Variants in BRD10 observed in about 807,000 individuals in gnomAD.
BRD10 encodes the protein bromodomain containing 10.
the BRD10 span, among the ~76,000 whole-genome samples, chr9:5,905,991 C>T: frequency 6.6e-6 from 1 of 151,856 alleles, no homozygotes; most frequent in Non-Finnish European, 1.5e-5. Context: ...TATAAGCATA[C>T]CTAATTAAAT....
the BRD10 span, among the ~76,000 whole-genome samples, chr9:5,964,390 C>T: frequency 6.6e-6 from 1 of 151,950 alleles, no homozygotes; most frequent in African/African-American, 2.4e-5. Flanking sequence ...GGCAATCATT[C>T]AAAAGTCAGG....
At chr9:5,922,948 A>T in the BRD10 span, 1 of 1,614,010 alleles carries the variant, frequency 6.2e-7, no homozygotes, top group Non-Finnish European at 8.5e-7. Context: ...AGGTCACTTT[A>T]TTCCCAATAT....
chr9:5,928,046 T>C, the BRD10 span, among the ~76,000 whole-genome samples: 4 of 152,280 alleles, frequency 2.6e-5, no homozygotes, highest in East Asian at 7.7e-4. Flanking sequence ...CAATCCCCTC[T>C]ACCTCTCAAA....
chr9:5,971,556 T>C, the BRD10 span, among the ~76,000 whole-genome samples: 4 of 152,218 alleles, frequency 2.6e-5, no homozygotes, highest in African/African-American at 9.6e-5. Context: ...TTGGCAAATA[T>C]CACAACTTGC....
At chr9:5,937,200 G>A in the BRD10 span, among the ~76,000 whole-genome samples, 2 of 148,764 alleles carry the variant, frequency 1.3e-5, no homozygotes, top group East Asian at 4.0e-4. Flanking sequence ...CTACACTCTA[G>A]CCTGGGCGAT....
the BRD10 span, among the ~76,000 whole-genome samples, chr9:5,895,569 T>C: frequency 2.6e-5 from 4 of 152,204 alleles, no homozygotes; most frequent in African/African-American, 9.7e-5. Context: ...ACATACCTGC[T>C]TTGGGTATTA....
At chr9:5,892,858 A>G in the BRD10 span, among the ~76,000 whole-genome samples, 1 of 152,164 alleles carries the variant, frequency 6.6e-6, no homozygotes, top group African/African-American at 2.4e-5. Flanking sequence ...TCAGGATCAC[A>G]ATGCCTCTCT....
chr9:5,898,505 C>T, the BRD10 span, among the ~76,000 whole-genome samples: 1 of 152,146 alleles, frequency 6.6e-6, no homozygotes, highest in African/African-American at 2.4e-5. Context: ...GTTTCCAATA[C>T]ACGAATTTTG....
chr9:5,977,705 A>G, the BRD10 span, among the ~76,000 whole-genome samples: 1 of 151,968 alleles, frequency 6.6e-6, no homozygotes, highest in African/African-American at 2.4e-5. Context: ...CGTGGTGGCA[A>G]GCGCCTGTAG....
At chr9:5,999,663 T>G in the BRD10 span, among the ~76,000 whole-genome samples, 1 of 152,142 alleles carries the variant, frequency 6.6e-6, no homozygotes, top group African/African-American at 2.4e-5. Context: ...ATAATTACAC[T>G]CTAGCCAAAC....
the BRD10 span, chr9:5,906,901 T>C: frequency 1.3e-6 from 2 of 1,584,194 alleles, no homozygotes; most frequent in Non-Finnish European, 1.7e-6. Context: ...AGTCTTCATG[T>C]TGGCACTCAA....
the BRD10 span, chr9:5,910,675 C>T: frequency 6.6e-6 from 1 of 152,212 alleles, no homozygotes; most frequent in Non-Finnish European, 1.5e-5. Flanking sequence ...CAGACAGTGT[C>T]CCAGGTGATG....
chr9:5,946,406 C>G, the BRD10 span, among the ~76,000 whole-genome samples: 1 of 151,896 alleles, frequency 6.6e-6, no homozygotes, highest in Non-Finnish European at 1.5e-5. Context: ...TCCAATTTGC[C>G]AAATTTACTT....
chr9:5,882,464 C>A, the BRD10 span, among the ~76,000 whole-genome samples: 1 of 152,258 alleles, frequency 6.6e-6, no homozygotes, highest in South Asian at 2.1e-4. Flanking sequence ...AAATTGAACC[C>A]TGACAAATGA....
chr9:5,973,458 C>A, the BRD10 span, among the ~76,000 whole-genome samples: 2 of 152,130 alleles, frequency 1.3e-5, no homozygotes, highest in Non-Finnish European at 2.9e-5. Flanking sequence ...CAGAGTGAGA[C>A]TCCATCTCAA....
the BRD10 span, among the ~76,000 whole-genome samples, chr9:5,976,985 CT>C: frequency 2.0e-5 from 3 of 152,156 alleles, no homozygotes; most frequent in African/African-American, 4.8e-5. Flanking sequence ...TGAAAAGCAA[CT>C]TTTGGCCAAT....
the BRD10 span, among the ~76,000 whole-genome samples, chr9:6,005,799 G>A: frequency 6.6e-6 from 1 of 152,084 alleles, no homozygotes; most frequent in African/African-American, 2.4e-5. Context: ...ACACACTACA[G>A]AAATACAAAA....
the BRD10 span, chr9:5,924,768 G>C: frequency 6.2e-7 from 1 of 1,604,726 alleles, no homozygotes; most frequent in Non-Finnish European, 8.5e-7. Flanking sequence ...ACCTTCATCA[G>C]TGGTCCATAG....
chr9:5,993,022 T>C, the BRD10 span, among the ~76,000 whole-genome samples: 1 of 151,982 alleles, frequency 6.6e-6, no homozygotes, highest in Non-Finnish European at 1.5e-5. Context: ...TGTTTAAAAA[T>C]ATTCTAAATG....
Sources: allele counts gnomAD v4.1 joint callset (sites outside exome capture counted in the v4.1 genomes callset), GRCh38; gene constraint gnomAD v4.1.1; transcripts MANE v1.5; gene names NCBI Gene and HGNC (gene_info 2026-07-23, HGNC 2026-07-21).